The following SLC39A14 variants were observed in gnomAD, a reference collection of about 807,000 sequenced individuals.
The protein encoded by SLC39A14 is metal cation symporter ZIP14.
Under a neutral mutation model 45.5 loss-of-function variants are expected in SLC39A14, and 19 were observed. The ratio of observed to expected loss-of-function variants is 0.42; its 90% confidence interval spans 0.29 to 0.61. The LOEUF is 0.61. Ranked by LOEUF, SLC39A14 falls within the 20% of genes least tolerant of loss-of-function variation. SLC39A14 has a pLI of 0.22. For synonymous variants in SLC39A14, 264 were observed against 251.3 expected (o/e 1.05, Z -0.48); for missense variants, 447 against 616.5 (o/e 0.73, Z 2.91).
intron 2 of SLC39A14, among the ~76,000 whole-genome samples, chr8:22,407,852 A>G (rs1835318040): frequency 6.6e-6 from 1 of 151,960 alleles, no homozygotes; most frequent in South Asian, 2.1e-4. Context: ...TTGAGAGTAC[A>G]GGTATGTGCC....
At chr8:22,395,236 C>T (rs978700994) in intron 1 of SLC39A14, among the ~76,000 whole-genome samples, 8 of 152,130 alleles carry the variant, frequency 5.3e-5, no homozygotes, top group African/African-American at 1.9e-4. Context: ...TCTTGAACTC[C>T]TGACCTCAAG....
chr8:22,432,506 T>C (rs1236780720), intron 8 of SLC39A14, among the ~76,000 whole-genome samples: 1 of 151,592 alleles, frequency 6.6e-6, no homozygotes, highest in Non-Finnish European at 1.5e-5. Flanking sequence ...TAGAACAGGG[T>C]CTTGCTCTGC....
intron 3 of SLC39A14, among the ~76,000 whole-genome samples, chr8:22,411,357 G>C (rs1448751238): frequency 6.6e-6 from 1 of 152,174 alleles, no homozygotes; most frequent in Non-Finnish European, 1.5e-5. Context: ...CTTTGTGCTT[G>C]AGCCCCTCTC....
Position 22,416,074 on chromosome 8 carries a change from A to T in SLC39A14, c.941A>T (p.Asp314Val). ...KVIVGSLSVQ[D>V]LQASQSACYW... ...CCCTGGGGGTGTGCTTTCTCCTAGG[A>T]CCTGCAGGCTTCCCAGAGTGCTTGC... Residue 314 changes from aspartate (D) to valine (V), a missense_variant and splice_region_variant, in exon 7 of 9, where the codon GAC becomes GTC. By Grantham distance (152) the Asp-to-Val change is radical. This residue lies in a region of SLC39A14 where 342 missense variants were observed against 428.1 expected (regional missense o/e 0.80). Transcript: ENST00000381237. 1 of 1,613,972 alleles carries T rather than the reference A, an allele frequency of 6.2e-7. No homozygotes were observed. Among genetic ancestry groups the T allele is most frequent in the Non-Finnish European group, 8.5e-7 (1 of 1,179,968 alleles).
rs60935796 is a variant in SLC39A14, at chr8:22,421,418, A to G, written c.*1720A>G. ...GTTTTTATCTTGCCTGTTGGCTTCA[A>G]TACATTTGAGAATACGCTGAAGAGG... On this transcript the variant is annotated 3_prime_UTR_variant, in exon 9 of 9. Transcript: ENST00000381237. The G allele has an allele frequency of 9.6e-4, 946 of 985,852 alleles. 32 individuals are homozygous for G. In the East Asian group the frequency reaches 0.078, roughly 82 times the overall value. 61.1% of individuals were successfully genotyped at this position (985,852 alleles called of 1,614,324 possible). A position where few individuals can be genotyped will look rare whatever the true frequency, so the allele number is the denominator to read the frequency against.
chr8:22,417,937 C>G (rs1489054626), intron 8 of SLC39A14, 102 bp downstream of exon 8: 3 of 998,902 alleles, frequency 3.0e-6, no homozygotes, highest in African/African-American at 3.3e-5. Flanking sequence ...GAGTCTCACT[C>G]TGTCTCCCAG....
intron 1 of SLC39A14, among the ~76,000 whole-genome samples, chr8:22,386,891 G>C (rs192159092): frequency 6.6e-6 from 1 of 152,098 alleles, no homozygotes; most frequent in African/African-American, 2.4e-5. Flanking sequence ...GGCTATTGTC[G>C]GCCAATCGTG....
intron 1 of SLC39A14, among the ~76,000 whole-genome samples, chr8:22,376,446 G>A (rs1833223422): frequency 6.7e-6 from 1 of 149,286 alleles, no homozygotes; most frequent in African/African-American, 2.5e-5. Flanking sequence ...GCCTCCCAAA[G>A]TGTTGGGATT....
At chr8:22,396,577 A>G (rs1341068881) in intron 1 of SLC39A14, among the ~76,000 whole-genome samples, 1 of 84,322 alleles carries the variant, frequency 1.2e-5, no homozygotes, top group Admixed American at 1.3e-4. Context: ...AGAGAGAGAG[A>G]GAGAGAGAGA....
intron 1 of SLC39A14, among the ~76,000 whole-genome samples, chr8:22,384,473 C>T (rs1035677359): frequency 4.6e-5 from 7 of 151,508 alleles, no homozygotes; most frequent in Admixed American, 2.6e-4. Flanking sequence ...CTCTGGCGGG[C>T]GCGGTGGCTG....
At position 22,429,692 on chromosome 8, in the gene SLC39A14, T is replaced by G. The variant is rs145690746; in HGVS notation, c.1333-4199T>G. ...GCCCCTGTGCCCCAGGTGAAAAACT[T>G]CTGCTGCAGACAAGAGTAAGATGAA... On this transcript the variant is annotated intron_variant, in intron 8 of 8. Coordinates refer to the SLC39A14 transcript ENST00000240095. Among the ~76,000 whole-genome samples, 681 of 152,338 alleles carry G rather than the reference T, an allele frequency of 4.5e-3. 6 individuals carry two copies. Among genetic ancestry groups the G allele is most frequent in the African/African-American group, 0.016 (658 of 41,578 alleles).
rs201572509 is a variant in SLC39A14 at position 22,432,376 on chromosome 8, G to GCTTC, written c.1333-1510_1333-1507dup. 5.1e-3 allele frequency among the ~76,000 whole-genome samples: 666 copies of GCTTC among 131,330 alleles called. 2 individuals are homozygous for GCTTC. The highest frequency in any genetic ancestry group is 0.015 in the African/African-American group (573 of 37,726). The allele number at this position is 131,330 out of a possible 152,430, so 86.2% of individuals were successfully genotyped here. A position where few individuals can be genotyped will look rare whatever the true frequency, so the allele number is the denominator to read the frequency against. On this transcript the variant is annotated intron_variant, in intron 8 of 8. Coordinates refer to the SLC39A14 transcript ENST00000240095. ...TAAATAGGTGAAGATAAAGAAAAGT[G>GCTTC]CTTCCTTCTTTTTCTTTCACTCTGT...
Position 22,412,210 on chromosome 8 carries a change from T to C in SLC39A14, c.627+4T>C, listed in dbSNP as rs1835613195. 6.4e-7 allele frequency: 1 copy of C among 1,551,366 alleles called. No homozygotes were observed. The highest frequency in any genetic ancestry group is 8.7e-7 in the Non-Finnish European group (1 of 1,146,900). On this transcript the variant is annotated splice_donor_region_variant and intron_variant, in intron 4 of 8. Transcript: ENST00000381237. Reference sequence around the variant, plus strand: ...CCTCTTCCAGCTCATCCCGGAGGTATGGCAAGCCAGGGCCTTCACCCCGGA... The same window carrying C: ...CCTCTTCCAGCTCATCCCGGAGGTACGGCAAGCCAGGGCCTTCACCCCGGA...
At chr8:22,375,222 T>C (rs539318742) in intron 1 of SLC39A14, among the ~76,000 whole-genome samples, 79 of 125,498 alleles carry the variant, frequency 6.3e-4, no homozygotes, top group African/African-American at 1.9e-3. Flanking sequence ...TGTGATTAAC[T>C]ATACACAGAA....
In SLC39A14 at chr8:22,414,833, GTT is replaced by G; in HGVS notation, c.683_684del (p.Phe228TrpfsTer18). ...DYYVSKSAVV[F>X]GGFYLFFFTE... The stretch of plus-strand genomic sequence containing the variant: ...ATTATGTCTCCAAGTCTGCAGTGGT[GTT>G]TGGGGGCTTTTATCTTTTCTTTTTC... On this transcript the variant is annotated frameshift_variant, in exon 5 of 9. Transcript: ENST00000381237. LOFTEE classifies it high-confidence loss of function. 1 of 1,613,188 alleles carries G rather than the reference GTT, an allele frequency of 6.2e-7. No homozygotes were observed. Among genetic ancestry groups the G allele is most frequent in the Non-Finnish European group, 8.5e-7 (1 of 1,179,788 alleles).
At chr8:22,404,250 C>A (rs1835061977) in intron 1 of SLC39A14, among the ~76,000 whole-genome samples, 2 of 152,098 alleles carry the variant, frequency 1.3e-5, no homozygotes, top group Admixed American at 1.3e-4. Context: ...ATGATGAAAC[C>A]CGATCTCTAC....
intron 7 of SLC39A14, among the ~76,000 whole-genome samples, chr8:22,417,371 G>A (rs1303203977): frequency 6.6e-6 from 1 of 152,192 alleles, no homozygotes; most frequent in Non-Finnish European, 1.5e-5. Flanking sequence ...GTCCTGAACA[G>A]GAAGTTCAAG....
At position 22,419,977 on chromosome 8, in the gene SLC39A14, G is replaced by A. The variant is rs1836134098; in HGVS notation, c.*279G>A. ...TGAATGCAGCTTACAAGACAAGCCT[G>A]ACTTTTTTCTCTGATTACCTTGGCC... On this transcript the variant is annotated 3_prime_UTR_variant, in exon 9 of 9. Coordinates refer to ENST00000381237, the MANE Select transcript of SLC39A14 (RefSeq NM_001128431.4). 8.8e-7 allele frequency: 1 copy of A among 1,135,492 alleles called. No individual in the cohort carries two copies. The highest frequency in any genetic ancestry group is 1.1e-6 in the Non-Finnish European group (1 of 925,410). The allele number at this position is 1,135,492 out of a possible 1,614,324, so 70.3% of individuals were successfully genotyped here. A position where few individuals can be genotyped will look rare whatever the true frequency, so the allele number is the denominator to read the frequency against.
intron 8 of SLC39A14, among the ~76,000 whole-genome samples, chr8:22,428,508 T>C (rs1836421676): frequency 6.8e-6 from 1 of 146,212 alleles, no homozygotes; most frequent in Non-Finnish European, 1.5e-5. Flanking sequence ...CGTGGTACGA[T>C]CTCAGCTCAC....
Sources: allele counts gnomAD v4.1 joint callset (sites outside exome capture counted in the v4.1 genomes callset), GRCh38; gene constraint gnomAD v4.1.1; regional missense constraint gnomAD v4.1.1; transcripts MANE v1.5; gene names NCBI Gene and HGNC (gene_info 2026-07-23, HGNC 2026-07-21).